The following MAML3 variants were observed in gnomAD, a reference collection of about 807,000 sequenced individuals.
MAML3 encodes the protein mastermind-like protein 3.
MAML3 carries 27 observed loss-of-function variants against 101.9 expected under a neutral mutation model. The ratio of observed to expected loss-of-function variants is 0.27; its 90% CI spans 0.20 to 0.37. The LOEUF (loss-of-function observed/expected upper bound fraction) is 0.37. Ranked by LOEUF, MAML3 falls within the 10% of genes least tolerant of loss-of-function variation. The pLI is 1.00. For synonymous variants in MAML3, 501 were observed against 555.9 expected, an observed-to-expected ratio of 0.90 and a Z score of 1.39; for missense variants, 1,316 against 1,444.9, an observed-to-expected ratio of 0.91 and a Z score of 1.45.
chr4:140,082,511 G>A (rs148534123), intron 1 of MAML3, among the ~76,000 whole-genome samples: 1 of 152,242 alleles, frequency 6.6e-6, no homozygotes, highest in Non-Finnish European at 1.5e-5. Flanking sequence ...GTTGCCTGTT[G>A]GGCCTAACAT....
intron 1 of MAML3, among the ~76,000 whole-genome samples, chr4:140,054,660 T>C (rs564424271): frequency 5.9e-5 from 9 of 152,208 alleles, no homozygotes; most frequent in African/African-American, 9.7e-5. Flanking sequence ...TATGACAGTA[T>C]GGGGAAATCT....
At chr4:139,883,627 T>C (rs58049172) in intron 2 of MAML3, among the ~76,000 whole-genome samples, 3,137 of 152,086 alleles carry the variant, frequency 0.021, 103 homozygotes, top group African/African-American at 0.072. Flanking sequence ...TAGAATTGAG[T>C]AACTGAAAAC....
intron 1 of MAML3, among the ~76,000 whole-genome samples, chr4:140,019,016 T>G (rs1162009354): frequency 6.6e-6 from 1 of 152,056 alleles, no homozygotes; most frequent in African/African-American, 2.4e-5. Context: ...GAATAATTTT[T>G]TTTCTCTTTT....
At chr4:140,092,818 G>A (rs1433599559) in intron 1 of MAML3, among the ~76,000 whole-genome samples, 1 of 151,864 alleles carries the variant, frequency 6.6e-6, no homozygotes, top group East Asian at 1.9e-4. Flanking sequence ...AAAACTACCT[G>A]ACCACACTCC....
rs1730282707 is a variant in MAML3 at position 139,785,105 on chromosome 4, G to A, written c.2080-54438C>T. Among the ~76,000 whole-genome samples the A allele has an allele frequency of 6.6e-6, 1 of 152,136 alleles. No homozygotes were observed. Among genetic ancestry groups the A allele is most frequent in the African/African-American group, 2.4e-5 (1 of 41,430 alleles). ...TACATTTGTACAAAAGAAGAAGGCGGCTAGCTTGGACACAAACACTCATGA... is the reference window on the plus strand; with the variant it reads ...TACATTTGTACAAAAGAAGAAGGCGACTAGCTTGGACACAAACACTCATGA... On this transcript the variant is annotated intron_variant, in intron 2 of 4. Coordinates refer to ENST00000509479, the MANE Select transcript of MAML3 (RefSeq NM_018717.5). This position sits in a 1 kb window ranked among gnomAD's most constrained non-coding sequence, Gnocchi z 4.3.
chr4:139,892,510 TA>T, intron 1 of MAML3, among the ~76,000 whole-genome samples: 1 of 151,978 alleles, frequency 6.6e-6, no homozygotes, highest in East Asian at 1.9e-4. Flanking sequence ...ACTCGTCTTT[TA>T]CGCTTTGCCT....
At chr4:139,988,020 C>CAA (rs71593735) in intron 1 of MAML3, among the ~76,000 whole-genome samples, 7,614 of 31,190 alleles carry the variant, frequency 0.24, 1,221 homozygotes, top group Non-Finnish European at 0.34. Flanking sequence ...AACTCCGTCT[C>CAA]AAAAAAAAAA....
intron 1 of MAML3, among the ~76,000 whole-genome samples, chr4:140,029,985 C>T (rs1215342653): frequency 6.6e-6 from 1 of 152,166 alleles, no homozygotes; most frequent in Non-Finnish European, 1.5e-5. Context: ...CACACATCCA[C>T]ACTATTTTCA....
chr4:140,040,016 A>G (rs1203473546), intron 1 of MAML3, among the ~76,000 whole-genome samples: 1 of 152,168 alleles, frequency 6.6e-6, no homozygotes, highest in East Asian at 1.9e-4. Flanking sequence ...ACATGAGAGG[A>G]CAGACCAGTG....
intron 2 of MAML3, among the ~76,000 whole-genome samples, chr4:139,854,470 A>G (rs899197121): frequency 6.7e-6 from 1 of 149,164 alleles, no homozygotes; most frequent in Non-Finnish European, 1.5e-5. Context: ...AGGGACAGGC[A>G]TATATTGAGG....
intron 2 of MAML3, among the ~76,000 whole-genome samples, chr4:139,788,732 G>A (rs962438859): frequency 6.6e-6 from 1 of 152,214 alleles, no homozygotes; most frequent in African/African-American, 2.4e-5. Context: ...TTCCGTCAAA[G>A]AGGACATGCC....
At chr4:139,858,452 CTT>C (rs59968954) in intron 2 of MAML3, among the ~76,000 whole-genome samples, 4 of 131,384 alleles carry the variant, frequency 3.0e-5, no homozygotes, top group South Asian at 4.7e-4. Flanking sequence ...TGATTCTTGG[CTT>C]TTTTTTTTTT....
intron 2 of MAML3, among the ~76,000 whole-genome samples, chr4:139,869,449 C>T (rs1731960348): frequency 6.6e-6 from 1 of 152,120 alleles, no homozygotes; most frequent in African/African-American, 2.4e-5. Flanking sequence ...ATGCTGCAGA[C>T]AAGAATTCTT....
chr4:140,115,992 T>C (rs1369630775), intron 1 of MAML3, among the ~76,000 whole-genome samples: 1 of 152,196 alleles, frequency 6.6e-6, no homozygotes, highest in Non-Finnish European at 1.5e-5. Context: ...TATATACAAA[T>C]ATATAGAGTA....
intron 2 of MAML3, among the ~76,000 whole-genome samples, chr4:139,762,419 T>C (rs1240233039): frequency 2.0e-5 from 3 of 152,168 alleles, no homozygotes; most frequent in African/African-American, 7.2e-5. Context: ...GCATTTCTTT[T>C]TCTCCTGTCT....
intron 2 of MAML3, among the ~76,000 whole-genome samples, chr4:139,885,121 C>T (rs1370821009): frequency 6.6e-6 from 1 of 152,180 alleles, no homozygotes. Context: ...AATACTCAGG[C>T]CGGGTGCGGT....
chr4:140,070,876 GGCCCCTTCCCTCTCCAGAGGGGA>G (rs1560884274), intron 1 of MAML3, among the ~76,000 whole-genome samples: 1 of 152,170 alleles, frequency 6.6e-6, no homozygotes, highest in East Asian at 1.9e-4. Flanking sequence ...GAAGTAGAAA[GGCCCCTTCCCTCTCCAGAGGGGA>G]ACCTCCTCTG....
At chr4:140,152,822 CAACGCG>C in intron 1 of MAML3, 32 bp downstream of exon 1, 1 of 1,586,722 alleles carries the variant, frequency 6.3e-7, no homozygotes. Flanking sequence ...CCACCACCCC[CAACGCG>C]CGCCGCAAGC....
intron 1 of MAML3, among the ~76,000 whole-genome samples, chr4:140,010,713 T>C (rs1436490790): frequency 6.6e-6 from 1 of 152,054 alleles, no homozygotes; most frequent in Admixed American, 6.6e-5. Flanking sequence ...ACAAAAAAAA[T>C]GCCAAAATAT....
Sources: allele counts gnomAD v4.1 joint callset (sites outside exome capture counted in the v4.1 genomes callset), GRCh38; gene constraint gnomAD v4.1.1; non-coding constraint Gnocchi (gnomAD v3.1); transcripts MANE v1.5; gene names NCBI Gene and HGNC (gene_info 2026-07-23, HGNC 2026-07-21).